Variants in LAMA2 observed in about 807,000 individuals in gnomAD.
LAMA2 encodes the protein laminin subunit alpha-2.
Under a neutral mutation model 364.8 loss-of-function variants are expected in LAMA2, and 269 were observed. The observed-to-expected ratio is 0.74, with a 90% CI of 0.67 to 0.82. LAMA2 has a LOEUF of 0.82. Ranked by LOEUF, LAMA2 falls within the 40% of genes least tolerant of loss-of-function variation. The pLI, the probability that LAMA2 is intolerant of heterozygous loss-of-function variation, is 0.00. For missense variants in LAMA2, 3,807 were observed against 3,873.2 expected (o/e 0.98, Z 0.45); for synonymous variants, 1,379 against 1,370.6 (o/e 1.01, Z -0.14).
chr6:129,323,739 T>C (rs1775105503), intron 28 of LAMA2, among the ~76,000 whole-genome samples: 1 of 152,222 alleles, frequency 6.6e-6, no homozygotes, highest in Non-Finnish European at 1.5e-5. Flanking sequence ...ACTTTCTTTC[T>C]TAAATATGGA....
chr6:129,046,228 C>A (rs138062595), intron 1 of LAMA2, among the ~76,000 whole-genome samples: 67 of 152,230 alleles, frequency 4.4e-4, no homozygotes, highest in South Asian at 1.0e-3. Context: ...GACAAATAAG[C>A]AGTGCTTTAT....
chr6:129,055,428 A>C (rs1788420618), intron 2 of LAMA2, among the ~76,000 whole-genome samples: 1 of 152,010 alleles, frequency 6.6e-6, no homozygotes, highest in African/African-American at 2.4e-5. Flanking sequence ...TCTCGACTTC[A>C]CATGATCTAC....
chr6:128,889,373 C>T (rs1209534568), intron 1 of LAMA2, among the ~76,000 whole-genome samples: 1 of 152,104 alleles, frequency 6.6e-6, no homozygotes, highest in Non-Finnish European at 1.5e-5. Context: ...ACCTGTTTTA[C>T]ATTCAGAAAC....
In LAMA2 at chr6:129,287,959, G is replaced by C. The variant is rs1789394805; in HGVS notation, c.2650G>C (p.Gly884Arg). ...SIPGSCDSLS[G>R]SCLICKPGTT... Reference sequence around the variant, plus strand: ...CCCTGGCAGCTGTGACAGCTTGTCTGGCTCCTGTCTGATATGTAAACCAGG... The same window carrying C: ...CCCTGGCAGCTGTGACAGCTTGTCTCGCTCCTGTCTGATATGTAAACCAGG... The change falls in exon 19 of 65, where the codon GGC becomes CGC. Residue 884 changes from glycine (G) to arginine (R), a missense_variant. Around this residue, in one of 3 missense-constraint regions of LAMA2, gnomAD observed 3,333 missense variants for 3,345.7 expected, o/e 1.00. Coordinates refer to ENST00000421865, the MANE Select transcript of LAMA2 (RefSeq NM_000426.4). The C allele has an allele frequency of 6.2e-7, 1 of 1,614,070 alleles. No individual in the cohort carries two copies. Among genetic ancestry groups the C allele is most frequent in the Non-Finnish European group, 8.5e-7 (1 of 1,179,964 alleles).
intron 40 of LAMA2, among the ~76,000 whole-genome samples, chr6:129,410,211 A>G (rs1033976168): frequency 1.3e-5 from 2 of 152,132 alleles, no homozygotes; most frequent in Non-Finnish European, 2.9e-5. Context: ...TTGAAACATT[A>G]TCTTCTTTCC....
intron 12 of LAMA2, among the ~76,000 whole-genome samples, chr6:129,203,943 A>C (rs1189325782): frequency 6.6e-6 from 1 of 152,188 alleles, no homozygotes; most frequent in African/African-American, 2.4e-5. Context: ...GATAAATGCC[A>C]ATTGCTTTAT....
chr6:129,095,327 A>T (rs1024848133), intron 3 of LAMA2, among the ~76,000 whole-genome samples: 4 of 152,244 alleles, frequency 2.6e-5, no homozygotes, highest in Non-Finnish European at 5.9e-5. Context: ...TAGTATTTCC[A>T]TATACAAAAT....
intron 12 of LAMA2, among the ~76,000 whole-genome samples, chr6:129,235,296 A>G (rs929048639): frequency 2.6e-5 from 4 of 152,164 alleles, no homozygotes; most frequent in Non-Finnish European, 4.4e-5. Context: ...ACCAAGCCTT[A>G]GTGAAAAGTG....
intron 19 of LAMA2, 71 bp from the exon 20 acceptor site, chr6:129,291,543 A>G: frequency 2.9e-6 from 3 of 1,033,252 alleles, no homozygotes; most frequent in Non-Finnish European, 4.5e-6. Flanking sequence ...TGTGGGGTAT[A>G]TTATTATTTA....
chr6:129,336,360 A>G (rs1434858220), intron 29 of LAMA2, among the ~76,000 whole-genome samples: 1 of 152,228 alleles, frequency 6.6e-6, no homozygotes, highest in African/African-American at 2.4e-5. Flanking sequence ...TTTACTGTAT[A>G]TATAATATCT....
At chr6:129,474,894 G>T (rs1783991311) in intron 52 of LAMA2, among the ~76,000 whole-genome samples, 1 of 152,122 alleles carries the variant, frequency 6.6e-6, no homozygotes, top group South Asian at 2.1e-4. Flanking sequence ...ACAGCCATTA[G>T]AGGTATATTT....
intron 1 of LAMA2, among the ~76,000 whole-genome samples, chr6:128,971,683 G>A (rs774998761): frequency 4.6e-5 from 7 of 152,196 alleles, no homozygotes; most frequent in Non-Finnish European, 1.0e-4. Context: ...GCTGAAAAAG[G>A]TAGGGGAGAA....
At chr6:129,447,231 T>C (rs1782432553) in intron 45 of LAMA2, among the ~76,000 whole-genome samples, 1 of 152,188 alleles carries the variant, frequency 6.6e-6, no homozygotes, top group African/African-American at 2.4e-5. Flanking sequence ...TGTCACACAA[T>C]GCAGAATGTT....
intron 4 of LAMA2, among the ~76,000 whole-genome samples, chr6:129,120,900 C>A (rs1361366651): frequency 6.6e-6 from 1 of 152,168 alleles, no homozygotes; most frequent in Non-Finnish European, 1.5e-5. Flanking sequence ...ATACTAATTC[C>A]TTCTAGCCTT....
intron 1 of LAMA2, among the ~76,000 whole-genome samples, chr6:128,931,204 A>G (rs1362808903): frequency 5.9e-5 from 9 of 152,252 alleles, no homozygotes; most frequent in Non-Finnish European, 1.3e-4. Flanking sequence ...AATTTATCAT[A>G]AAGGATACAG....
At chr6:129,213,168 G>A (rs1221019052) in intron 12 of LAMA2, among the ~76,000 whole-genome samples, 1 of 152,100 alleles carries the variant, frequency 6.6e-6, no homozygotes, top group Non-Finnish European at 1.5e-5. Flanking sequence ...TTAGCAATAT[G>A]CCTGTAAGGT....
chr6:129,186,465 C>A (rs1039120856), intron 10 of LAMA2, among the ~76,000 whole-genome samples: 2 of 150,242 alleles, frequency 1.3e-5, no homozygotes, highest in African/African-American at 5.0e-5. Flanking sequence ...AAGAAAAGAA[C>A]AAAATTATGG....
chr6:129,167,652 T>C (rs926002445), intron 9 of LAMA2, among the ~76,000 whole-genome samples: 7 of 152,166 alleles, frequency 4.6e-5, no homozygotes, highest in Admixed American at 1.3e-4. Context: ...AGCAGCATGA[T>C]TTACAGTCCT....
At chr6:129,447,235 G>C (rs1291038757) in intron 45 of LAMA2, among the ~76,000 whole-genome samples, 1 of 152,186 alleles carries the variant, frequency 6.6e-6, no homozygotes, top group Non-Finnish European at 1.5e-5. Context: ...ACACAATGCA[G>C]AATGTTATGC....
Sources: allele counts gnomAD v4.1 joint callset (sites outside exome capture counted in the v4.1 genomes callset), GRCh38; gene constraint gnomAD v4.1.1; regional missense constraint gnomAD v4.1.1; transcripts MANE v1.5; gene names NCBI Gene and HGNC (gene_info 2026-07-23, HGNC 2026-07-21).